Variants in THSD4 observed in about 807,000 individuals in gnomAD.
The protein encoded by THSD4 is thrombospondin type-1 domain-containing protein 4.
Under a neutral mutation model 119.0 loss-of-function variants are expected in THSD4, and 69 were observed. That is an observed-to-expected ratio of 0.58 (90% CI 0.48 to 0.71). The LOEUF (loss-of-function observed/expected upper bound fraction) is 0.71. Ranked by LOEUF, THSD4 falls within the 30% of genes least tolerant of loss-of-function variation. THSD4 has a pLI of 0.00. For missense variants in THSD4, 1,393 were observed against 1,391.1 expected (o/e 1.00, Z -0.02); for synonymous variants, 524 against 540.4 (o/e 0.97, Z 0.42).
intron 1 of THSD4, among the ~76,000 whole-genome samples, chr15:71,118,204 A>G (rs1373564902): frequency 6.6e-6 from 1 of 152,132 alleles, no homozygotes; most frequent in Non-Finnish European, 1.5e-5. Flanking sequence ...GTTACTTTTC[A>G]TCAGGGCATT....
chr15:71,132,887 G>T (rs933324322), intron 1 of THSD4, among the ~76,000 whole-genome samples: 1 of 152,226 alleles, frequency 6.6e-6, no homozygotes, highest in African/African-American at 2.4e-5. Context: ...CAGAACTGAG[G>T]CCTTGTATTG....
rs377715454 is a variant in THSD4, at chr15:71,746,919, G to A, written c.2118G>A (p.Val706=). The stretch of plus-strand genomic sequence containing the variant: ...ACCGCCAGGTTCTGTGCCGCCAGGT[G>A]TACGCCAACCGCAGCCTGACGGTGC... The part of the protein sequence containing the change: ...MQHRQVLCRQ[V]YANRSLTVQP... Residue 706 remains valine (V), a synonymous_variant, in exon 13 of 18, where the codon GTG becomes GTA. Transcript: ENST00000261862. The A allele has an allele frequency of 5.0e-6, 8 of 1,613,866 alleles. No individual in the cohort carries two copies. Among genetic ancestry groups the A allele is most frequent in the Non-Finnish European group, 6.8e-6 (8 of 1,180,050 alleles).
chr15:71,171,090 C>G (rs1001359165), intron 3 of THSD4, among the ~76,000 whole-genome samples: 1 of 151,718 alleles, frequency 6.6e-6, no homozygotes, highest in Non-Finnish European at 1.5e-5. Flanking sequence ...AATTAGAGTA[C>G]CAAAAGGAGA....
chr15:71,412,337 G>C (rs1228129553), intron 7 of THSD4, among the ~76,000 whole-genome samples: 1 of 152,202 alleles, frequency 6.6e-6, no homozygotes, highest in Non-Finnish European at 1.5e-5. Flanking sequence ...TCTGAAGTCT[G>C]TTCCAGGAAC....
intron 6 of THSD4, among the ~76,000 whole-genome samples, chr15:71,311,039 G>A (rs561757050): frequency 6.0e-4 from 91 of 152,312 alleles, no homozygotes; most frequent in African/African-American, 2.2e-3. Flanking sequence ...CATGACAGAA[G>A]TGGATTAAAA....
At chr15:71,531,267 A>C (rs1174377432) in intron 7 of THSD4, among the ~76,000 whole-genome samples, 1 of 152,174 alleles carries the variant, frequency 6.6e-6, no homozygotes, top group Non-Finnish European at 1.5e-5. Flanking sequence ...AGGCAATAGG[A>C]AACGCCTGAA....
At chr15:71,323,532 G>C (rs937123470) in intron 6 of THSD4, among the ~76,000 whole-genome samples, 1 of 152,190 alleles carries the variant, frequency 6.6e-6, no homozygotes, top group Non-Finnish European at 1.5e-5. Flanking sequence ...AAGAGCTGCA[G>C]GGGGGTTTGG....
chr15:71,193,830 C>G (rs1231265675), intron 3 of THSD4, among the ~76,000 whole-genome samples: 2 of 152,194 alleles, frequency 1.3e-5, no homozygotes, highest in African/African-American at 4.8e-5. Flanking sequence ...GCCTCAGCCT[C>G]CCTAGTCCCC....
Position 71,620,439 on chromosome 15 carries a change from T to A in THSD4, c.1153-40091T>A, listed in dbSNP as rs184691770. ...AAAACTCTGTTTTTACAAAAAAAAA[T>A]AATAATAATAACAAAATTCGCCGGG... On this transcript the variant is annotated intron_variant, in intron 7 of 17. Coordinates refer to ENST00000261862, the MANE Select transcript of THSD4 (RefSeq NM_024817.3). 3.0e-3 allele frequency among the ~76,000 whole-genome samples: 461 copies of A among 151,316 alleles called. 10 individuals carry two copies. The highest frequency in any genetic ancestry group is 0.027 in the Admixed American group (407 of 15,186).
At chr15:71,214,063 A>G (rs2140248943) in intron 3 of THSD4, among the ~76,000 whole-genome samples, 1 of 146,648 alleles carries the variant, frequency 6.8e-6, no homozygotes, top group South Asian at 2.1e-4. Flanking sequence ...GTCTAGCTAA[A>G]GGATTGTAAA....
chr15:71,369,608 A>G (rs1055878617), intron 6 of THSD4, among the ~76,000 whole-genome samples: 1 of 152,220 alleles, frequency 6.6e-6, no homozygotes, highest in African/African-American at 2.4e-5. Flanking sequence ...ATGTTGAACC[A>G]GCCTTGCATC....
At chr15:71,507,193 G>A (rs997098121) in intron 7 of THSD4, among the ~76,000 whole-genome samples, 6 of 152,152 alleles carry the variant, frequency 3.9e-5, no homozygotes, top group African/African-American at 1.4e-4. Context: ...TGGCTACCCC[G>A]CTGGCTCAGA....
At chr15:71,182,335 G>A (rs901810944) in intron 3 of THSD4, among the ~76,000 whole-genome samples, 9 of 151,712 alleles carry the variant, frequency 5.9e-5, no homozygotes, top group African/African-American at 2.2e-4. Flanking sequence ...TTTGTTATTA[G>A]TGTCTGAACA....
At chr15:71,414,797 T>G (rs1285342130) in intron 7 of THSD4, among the ~76,000 whole-genome samples, 1 of 152,186 alleles carries the variant, frequency 6.6e-6, no homozygotes, top group East Asian at 1.9e-4. Context: ...GAAACAGACA[T>G]TTTCCAGGAT....
intron 1 of THSD4, among the ~76,000 whole-genome samples, chr15:71,104,576 A>C (rs2040266470): frequency 6.6e-6 from 1 of 152,212 alleles, no homozygotes; most frequent in South Asian, 2.1e-4. Flanking sequence ...TGGCCTAGAG[A>C]ACACAGTCTC....
chr15:71,307,428 C>T (rs563294825), intron 6 of THSD4, among the ~76,000 whole-genome samples: 1 of 152,338 alleles, frequency 6.6e-6, no homozygotes, highest in South Asian at 2.1e-4. Context: ...CAAGGGCCCT[C>T]AAGATCATCC....
intron 3 of THSD4, among the ~76,000 whole-genome samples, chr15:71,199,218 A>G (rs77477890): frequency 6.4e-4 from 98 of 152,072 alleles, no homozygotes; most frequent in African/African-American, 2.3e-3. Context: ...GCTCCCTATG[A>G]TTTTGTGCCC....
At chr15:71,529,505 T>C (rs995663928) in intron 7 of THSD4, among the ~76,000 whole-genome samples, 1 of 152,230 alleles carries the variant, frequency 6.6e-6, no homozygotes, top group African/African-American at 2.4e-5. Flanking sequence ...GGAAGTCTAT[T>C]TGACTTTTTA....
At chr15:71,491,078 T>C (rs2047911645) in intron 7 of THSD4, among the ~76,000 whole-genome samples, 1 of 152,234 alleles carries the variant, frequency 6.6e-6, no homozygotes, top group South Asian at 2.1e-4. Context: ...AGAAATGGAA[T>C]TACTTTGGTC....
Sources: gnomAD v4.1 joint callset for allele counts (sites outside exome capture counted in the v4.1 genomes callset) on GRCh38, gnomAD v4.1.1 for gene constraint, MANE v1.5 for transcripts, NCBI Gene and HGNC (gene_info 2026-07-23, HGNC 2026-07-21) for gene names.